The following SLIT3 variants were observed in gnomAD, a reference collection of about 807,000 sequenced individuals.
The protein encoded by SLIT3 is slit guidance ligand 3.
In SLIT3, 68 loss-of-function variants were observed where a neutral mutation model predicts 184.0. The observed-to-expected ratio is 0.37, with a 90% CI of 0.30 to 0.45. The LOEUF (loss-of-function observed/expected upper bound fraction) is 0.45, where lower values mean the gene tolerates loss of function less well. Among genes scored for constraint, SLIT3 ranks in the 20% least tolerant of loss-of-function variants. The pLI is 1.00. For synonymous variants in SLIT3, 831 were observed against 828.6 expected, an observed-to-expected ratio of 1.00 and a Z score of -0.05; for missense variants, 1,707 against 2,026.0, an observed-to-expected ratio of 0.84 and a Z score of 3.02.
intron 12 of SLIT3, among the ~76,000 whole-genome samples, chr5:168,775,817 T>C (rs1223613785): frequency 2.0e-5 from 3 of 152,042 alleles, no homozygotes; most frequent in Non-Finnish European, 4.4e-5. Flanking sequence ...AAAATCATCA[T>C]AGGAAGCTAC....
chr5:169,005,220 T>C (rs62378635), intron 4 of SLIT3, among the ~76,000 whole-genome samples: 5,545 of 152,260 alleles, frequency 0.036, 127 homozygotes, highest in Middle Eastern at 0.065. Context: ...ATTTGTGTAA[T>C]TCACTTTATT....
intron 4 of SLIT3, among the ~76,000 whole-genome samples, chr5:168,960,308 A>G (rs959171578): frequency 6.6e-6 from 1 of 152,234 alleles, no homozygotes; most frequent in Non-Finnish European, 1.5e-5. Flanking sequence ...TTAAGGAGCC[A>G]TGCCTCTTCT....
At chr5:168,966,514 C>A (rs1763200614) in intron 4 of SLIT3, among the ~76,000 whole-genome samples, 1 of 152,088 alleles carries the variant, frequency 6.6e-6, no homozygotes, top group Admixed American at 6.5e-5. Flanking sequence ...CATGGGACTG[C>A]CCTCCTTGTC....
At chr5:168,752,916 A>C in intron 18 of SLIT3, 39 bp downstream of exon 18, 1 of 1,603,538 alleles carries the variant, frequency 6.2e-7, no homozygotes, top group South Asian at 1.1e-5. Flanking sequence ...GCAGAGTGGG[A>C]TCCCAGAGTC....
chr5:169,228,609 C>T (rs778610628), intron 3 of SLIT3, among the ~76,000 whole-genome samples: 1 of 152,160 alleles, frequency 6.6e-6, no homozygotes, highest in Non-Finnish European at 1.5e-5. Flanking sequence ...TTCATGTATG[C>T]TTGTTTGGTG....
intron 32 of SLIT3, among the ~76,000 whole-genome samples, chr5:168,674,023 A>G (rs2113184799): frequency 6.6e-6 from 1 of 152,336 alleles, no homozygotes; most frequent in East Asian, 1.9e-4. Context: ...GTTCTAAAAA[A>G]TAGTTTTGAT....
intron 4 of SLIT3, among the ~76,000 whole-genome samples, chr5:168,987,797 G>C (rs1755186159): frequency 6.6e-6 from 1 of 152,214 alleles, no homozygotes; most frequent in Admixed American, 6.5e-5. Context: ...TTTATTTCCA[G>C]AACGGGAAAG....
At chr5:168,980,195 A>C (rs1047304993) in intron 4 of SLIT3, among the ~76,000 whole-genome samples, 11 of 152,130 alleles carry the variant, frequency 7.2e-5, no homozygotes, top group Non-Finnish European at 4.4e-5. Context: ...CCAGTTCTAC[A>C]TGCCTTTGAA....
chr5:169,147,781 C>T (rs977716209), intron 4 of SLIT3, among the ~76,000 whole-genome samples: 1 of 152,126 alleles, frequency 6.6e-6, no homozygotes, highest in African/African-American at 2.4e-5. Context: ...CTGGTGCAAC[C>T]TGCGCCAGCT....
At chr5:168,961,118 C>T (rs188541154) in intron 4 of SLIT3, among the ~76,000 whole-genome samples, 178 of 152,320 alleles carry the variant, frequency 1.2e-3, no homozygotes, top group African/African-American at 3.9e-3. Context: ...CCATTCCTTA[C>T]CTCCCCTTTC....
chr5:169,097,481 G>C (rs1364454840), intron 4 of SLIT3, among the ~76,000 whole-genome samples: 1 of 151,982 alleles, frequency 6.6e-6, no homozygotes, highest in East Asian at 1.9e-4. Context: ...GGAGAAAGGA[G>C]AGAAAAAAGA....
chr5:168,775,834 G>A (rs1302381245), intron 12 of SLIT3, among the ~76,000 whole-genome samples: 1 of 152,074 alleles, frequency 6.6e-6, no homozygotes, highest in Non-Finnish European at 1.5e-5. Context: ...CTACCCTTTG[G>A]GTGGAAGTCT....
chr5:169,262,877 A>G (rs1359038161), intron 1 of SLIT3, among the ~76,000 whole-genome samples: 1 of 152,072 alleles, frequency 6.6e-6, no homozygotes, highest in African/African-American at 2.4e-5. Context: ...TTTAAATCCT[A>G]CTGCTCTGTT....
At chr5:169,036,138 C>G (rs1757238302) in intron 4 of SLIT3, 1 of 152,188 alleles carries the variant, frequency 6.6e-6, no homozygotes, top group Non-Finnish European at 1.5e-5. Flanking sequence ...TAGCCATTAA[C>G]ATGGAAAGAA....
At chr5:168,952,500 C>T (rs1036205) in intron 4 of SLIT3, among the ~76,000 whole-genome samples, 46,853 of 134,332 alleles carry the variant, frequency 0.35, 7,912 homozygotes, top group Admixed American at 0.4. Flanking sequence ...AACATTTCCC[C>T]ACAATCTCAG....
intron 4 of SLIT3, among the ~76,000 whole-genome samples, chr5:169,082,372 G>C (rs183557209): frequency 6.6e-6 from 1 of 152,162 alleles, no homozygotes; most frequent in Non-Finnish European, 1.5e-5. Context: ...GCCCAGTTAC[G>C]ATTATGTTGG....
At position 169,193,491 on chromosome 5, in the gene SLIT3, T is replaced by G. The variant is rs546090526; in HGVS notation, c.401A>C (p.Lys134Thr). The change falls in exon 4 of 36, where the codon AAG (lysine) becomes ACG (threonine). Residue 134 changes from lysine (K) to threonine (T), a missense_variant. Lys to Thr is a moderately conservative substitution (Grantham distance 78). Around this residue, in one of 3 missense-constraint regions of SLIT3, gnomAD observed 1,307 missense variants for 1,511.6 expected, o/e 0.86. Coordinates refer to ENST00000519560, the MANE Select transcript of SLIT3 (RefSeq NM_003062.4). ...LPELLFQSTP[K>T]LTRLDLSENQ... ...CAACTCTACTCACAGTCTGGTGAGC[T>G]TCGGCGTGCTCTGGAAAAGCAATTC... 1 of 1,613,976 alleles carries G rather than the reference T, an allele frequency of 6.2e-7. No individual in the cohort carries two copies. The highest frequency in any genetic ancestry group is 1.1e-5 in the South Asian group (1 of 91,076).
chr5:168,990,011 C>T (rs1201658611), intron 4 of SLIT3, among the ~76,000 whole-genome samples: 1 of 152,226 alleles, frequency 6.6e-6, no homozygotes, highest in Non-Finnish European at 1.5e-5. Flanking sequence ...GGCCGCCTAT[C>T]CTGCTATTCA....
At chr5:169,002,349 A>AAAAAAAAAAAAAAAAG (rs1755741179) in intron 4 of SLIT3, among the ~76,000 whole-genome samples, 1 of 145,990 alleles carries the variant, frequency 6.8e-6, no homozygotes, top group African/African-American at 2.6e-5. Flanking sequence ...AAAAAAAAAA[A>AAAAAAAAAAAAAAAAG]AAAAAAGAAA....
Sources: allele counts gnomAD v4.1 joint callset (sites outside exome capture counted in the v4.1 genomes callset), GRCh38; gene constraint gnomAD v4.1.1; regional missense constraint gnomAD v4.1.1; transcripts MANE v1.5; gene names NCBI Gene and HGNC (gene_info 2026-07-23, HGNC 2026-07-21).